ANKDD1B: variants seen among roughly 807,000 people sequenced by gnomAD.
ANKDD1B encodes ankyrin repeat and death domain containing 1B.
Under a neutral mutation model 59.7 loss-of-function variants are expected in ANKDD1B, and 57 were observed. That is an observed-to-expected ratio of 0.95 (90% confidence interval 0.77 to 1.19). The LOEUF (loss-of-function observed/expected upper bound fraction) is 1.19, where lower values mean the gene tolerates loss of function less well. ANKDD1B is among the 50% of genes most tolerant of loss of function. ANKDD1B has a pLI of 0.00. For missense variants in ANKDD1B, 602 were observed against 641.9 expected, an observed-to-expected ratio of 0.94 and a Z score of 0.67; for synonymous variants, 216 against 239.5, an observed-to-expected ratio of 0.90 and a Z score of 0.91.
At chr5:75,616,760 C>A in intron 1 of ANKDD1B, 44 bp from the exon 2 acceptor site, 3 of 898,626 alleles carry the variant, frequency 3.3e-6, no homozygotes, top group Non-Finnish European at 5.1e-6. Flanking sequence ...TTCTCTTTGG[C>A]CTCCTTAAAT....
chr5:75,630,876 G>A (rs187657858), intron 5 of ANKDD1B, among the ~76,000 whole-genome samples: 15 of 152,326 alleles, frequency 9.8e-5, no homozygotes, highest in Non-Finnish European at 1.5e-5. Context: ...AAAGATAGCT[G>A]TTAGCAGCCT....
In ANKDD1B at chr5:75,625,717, C is replaced by A; in HGVS notation, c.467C>A (p.Ala156Asp). 1 of 1,536,388 alleles carries A rather than the reference C, an allele frequency of 6.5e-7. No homozygotes were observed. Among genetic ancestry groups the A allele is most frequent in the Non-Finnish European group, 8.7e-7 (1 of 1,146,970 alleles). The change falls in exon 4 of 14, where the codon GCT (alanine) becomes GAT (aspartate). Residue 156 changes from alanine (A) to aspartate (D), a missense_variant. Physicochemically the swap from Ala to Asp is moderately radical, Grantham distance 126. Coordinates refer to ENST00000601380, the MANE Select transcript of ANKDD1B (RefSeq NM_001276713.2). The stretch of plus-strand genomic sequence containing the variant: ...GAGGTCATGCTCATGCTGGTTAAAG[C>A]TGGAGCAGACCAGAGAGCCAAGAAT... Reference protein sequence around the residue: ...SLEVMLMLVKAGADQRAKNQD... With the variant: ...SLEVMLMLVKDGADQRAKNQD...
intron 13 of ANKDD1B, among the ~76,000 whole-genome samples, chr5:75,670,758 T>G (rs1174896759): frequency 6.6e-6 from 1 of 152,230 alleles, no homozygotes; most frequent in Non-Finnish European, 1.5e-5. Context: ...CGCAAGGCTG[T>G]GTGAGCTCAC....
intron 5 of ANKDD1B, among the ~76,000 whole-genome samples, 155 bp downstream of exon 5, chr5:75,626,110 G>C (rs1254038509): frequency 6.6e-6 from 1 of 152,196 alleles, no homozygotes; most frequent in Non-Finnish European, 1.5e-5. Context: ...AACCAAAGAG[G>C]AGTGTTGGTA....
chr5:75,627,032 A>C (rs1774014144), intron 5 of ANKDD1B, among the ~76,000 whole-genome samples: 1 of 151,986 alleles, frequency 6.6e-6, no homozygotes, highest in African/African-American at 2.4e-5. Context: ...ATTAATGATA[A>C]GAAGTATTTC....
At chr5:75,611,974 C>T in intron 1 of ANKDD1B, 147 bp downstream of exon 1, 1 of 543,582 alleles carries the variant, frequency 1.8e-6, no homozygotes, top group Non-Finnish European at 2.8e-6. Flanking sequence ...GAGTCCCAGC[C>T]TGCACCGCTG....
Position 75,611,842 on chromosome 5 carries a change from G to A in ANKDD1B, c.193+15G>A. 1 of 1,231,918 alleles carries A rather than the reference G, an allele frequency of 8.1e-7. No individual in the cohort carries two copies. Among genetic ancestry groups the A allele is most frequent in the Non-Finnish European group, 1.0e-6 (1 of 988,140 alleles). The allele number at this position is 1,231,918 out of a possible 1,614,324, so 76.3% of individuals were successfully genotyped here. A position where few individuals can be genotyped will look rare whatever the true frequency, so the allele number is the denominator to read the frequency against. ...ACACGAGCTCCGTGAGTCCCGGGAC[G>A]AGGTCTCAGAAAATCAGGCTGCGGG... is the stretch of plus-strand genomic sequence containing the variant. On this transcript the variant is annotated intron_variant, in intron 1 of 13. Coordinates refer to ENST00000601380, the MANE Select transcript of ANKDD1B (RefSeq NM_001276713.2).
chr5:75,641,517 C>A lies in ANKDD1B; in HGVS notation c.798+5635C>A, dbSNP rs1774460722. On this transcript the variant is annotated intron_variant, in intron 7 of 13. Transcript: ENST00000601380. ...GTCTTCCAGGAATTTTCCATGAATCCACATGGAAAATGTAATTAAATCCAT... is the reference window on the plus strand; with the variant it reads ...GTCTTCCAGGAATTTTCCATGAATCAACATGGAAAATGTAATTAAATCCAT... 3.3e-5 allele frequency among the ~76,000 whole-genome samples: 5 copies of A among 152,252 alleles called. 1 individual carries two copies. The South Asian group carries it at 1.0e-3, about 32-fold the overall frequency.
intron 7 of ANKDD1B, among the ~76,000 whole-genome samples, chr5:75,639,241 G>T (rs1480934262): frequency 6.6e-6 from 1 of 152,152 alleles, no homozygotes; most frequent in Non-Finnish European, 1.5e-5. Context: ...TTGTTGCCCA[G>T]GCGGGAGTAC....
intron 8 of ANKDD1B, among the ~76,000 whole-genome samples, chr5:75,653,857 A>G (rs1774892796): frequency 6.6e-6 from 1 of 152,154 alleles, no homozygotes; most frequent in Non-Finnish European, 1.5e-5. Flanking sequence ...ATCATGTCAG[A>G]TAGTTTTTGG....
intron 9 of ANKDD1B, among the ~76,000 whole-genome samples, chr5:75,658,454 G>T (rs1018680752): frequency 6.6e-6 from 1 of 152,122 alleles, no homozygotes; most frequent in African/African-American, 2.4e-5. Flanking sequence ...TGATTTTCTT[G>T]TGATTTCAGA....
intron 12 of ANKDD1B, among the ~76,000 whole-genome samples, chr5:75,668,678 A>C (rs1775381380): frequency 6.6e-6 from 1 of 152,084 alleles, no homozygotes; most frequent in African/African-American, 2.4e-5. Context: ...TTCCCCCAAC[A>C]CCTCTCTAGG....
intron 7 of ANKDD1B, among the ~76,000 whole-genome samples, chr5:75,638,834 T>C (rs16872683): frequency 6.6e-6 from 1 of 152,052 alleles, no homozygotes; most frequent in Non-Finnish European, 1.5e-5. Context: ...AGTTTCCTTT[T>C]TGTTCCTCTG....
chr5:75,619,965 AC>A (rs112789812), intron 2 of ANKDD1B, among the ~76,000 whole-genome samples: 3 of 152,350 alleles, frequency 2.0e-5, no homozygotes, highest in African/African-American at 7.2e-5. Flanking sequence ...AGAAAAATTT[AC>A]CATTATTAAT....
chr5:75,622,043 G>T (rs1486870869), intron 3 of ANKDD1B, among the ~76,000 whole-genome samples: 1 of 152,144 alleles, frequency 6.6e-6, no homozygotes, highest in Non-Finnish European at 1.5e-5. Flanking sequence ...TTCAACCAAG[G>T]TCATGTTTGA....
At chr5:75,631,694 A>G (rs531748714) in intron 5 of ANKDD1B, among the ~76,000 whole-genome samples, 2 of 152,358 alleles carry the variant, frequency 1.3e-5, no homozygotes, top group Admixed American at 1.3e-4. Context: ...TCATGAAGAG[A>G]AAACAGCTGA....
At chr5:75,612,312 GCCCCCGCC>G (rs1773583924) in intron 1 of ANKDD1B, among the ~76,000 whole-genome samples, 1 of 59,786 alleles carries the variant, frequency 1.7e-5, no homozygotes, top group Non-Finnish European at 2.9e-5. Context: ...ATTTAAGTCT[GCCCCCGCC>G]CCCCCCCGCC....
chr5:75,636,598 G>C (rs1249349522), intron 7 of ANKDD1B, among the ~76,000 whole-genome samples: 1 of 152,218 alleles, frequency 6.6e-6, no homozygotes, highest in African/African-American at 2.4e-5. Flanking sequence ...TTAGGTGTGG[G>C]CAGGTAACTG....
intron 5 of ANKDD1B, among the ~76,000 whole-genome samples, chr5:75,628,869 C>T (rs1410196079): frequency 1.3e-5 from 2 of 152,126 alleles, no homozygotes; most frequent in Non-Finnish European, 2.9e-5. Context: ...TTTGAATCTA[C>T]ATGTAAATGT....
Sources: gnomAD v4.1 joint callset for allele counts (sites outside exome capture counted in the v4.1 genomes callset) on GRCh38, gnomAD v4.1.1 for gene constraint, MANE v1.5 for transcripts, NCBI Gene and HGNC (gene_info 2026-07-23, HGNC 2026-07-21) for gene names.